Variants in PTGS2 observed in about 807,000 individuals in gnomAD.
The protein encoded by PTGS2 is prostaglandin G/H synthase 2.
A neutral mutation model predicts 63.8 loss-of-function variants in PTGS2; 14 were observed. The observed-to-expected ratio is 0.22, with a 90% CI of 0.14 to 0.34. PTGS2 has a LOEUF of 0.34. Ranked by LOEUF, PTGS2 falls within the 10% of genes least tolerant of loss-of-function variation. The pLI, the probability that PTGS2 is intolerant of heterozygous loss-of-function variation, is 1.00. For missense variants in PTGS2, 533 were observed against 738.5 expected (o/e 0.72, Z 3.23); for synonymous variants, 271 against 259.5 (o/e 1.04, Z -0.43).
intron 3 of PTGS2, 70 bp from the exon 4 acceptor site, chr1:186,678,474 T>A: frequency 7.1e-7 from 1 of 1,409,066 alleles, no homozygotes; most frequent in Non-Finnish European, 9.5e-7. Context: ...TTATTTTTAT[T>A]GTAAAATGTG....
In PTGS2 at chr1:186,676,730, A is replaced by C; in HGVS notation, c.724-17T>G. 1 of 1,601,112 alleles carries C rather than the reference A, an allele frequency of 6.2e-7. No individual in the cohort carries two copies. Among genetic ancestry groups the C allele is most frequent in the Non-Finnish European group, 8.5e-7 (1 of 1,174,604 alleles). On this transcript the variant is annotated splice_polypyrimidine_tract_variant and intron_variant, in intron 6 of 9. Transcript: ENST00000367468. The stretch of plus-strand genomic sequence containing the variant: ...ATCAATTATCTAAAAAAATAAATAA[A>C]TAAATAAACATCAGTTAAAAAGTTA...
Position 186,677,839 on chromosome 1 carries a change from T to C in PTGS2, c.458-9A>G, listed in dbSNP as rs1366288188. ...AGGAAGCTGCTTTTTACCTGAAAAATGAGAAAGCTAAGGTAAGAATCCATC... is the reference window on the plus strand; with the variant it reads ...AGGAAGCTGCTTTTTACCTGAAAAACGAGAAAGCTAAGGTAAGAATCCATC... On this transcript the variant is annotated splice_polypyrimidine_tract_variant and intron_variant, in intron 4 of 9. Transcript: ENST00000367468. The C allele has an allele frequency of 6.2e-7, 1 of 1,612,342 alleles. No individual in the cohort carries two copies. The highest frequency in any genetic ancestry group is 2.2e-5 in the East Asian group (1 of 44,846).
At chr1:186,677,521 T>C in intron 5 of PTGS2, 128 bp downstream of exon 5, 2 of 1,013,230 alleles carry the variant, frequency 2.0e-6, no homozygotes, top group Non-Finnish European at 1.4e-6. Context: ...TTTTTATAGA[T>C]AAGACTTCTT....
intron 9 of PTGS2, 124 bp downstream of exon 9, chr1:186,675,125 C>CTCCT: frequency 2.4e-6 from 3 of 1,271,072 alleles, no homozygotes; most frequent in South Asian, 2.7e-5. Flanking sequence ...TGCAGTGAGC[C>CTCCT]GAGATGGCGC....
In PTGS2 at chr1:186,679,201, G is replaced by T. The variant is rs764607381; in HGVS notation, c.170C>A (p.Pro57Gln). 1.2e-6 allele frequency: 2 copies of T among 1,613,084 alleles called. No homozygotes were observed. The highest frequency in any genetic ancestry group is 1.1e-5 in the South Asian group (1 of 90,924). Residue 57 changes from proline (P) to glutamine (Q), a missense_variant and splice_region_variant, in exon 3 of 10, where the codon CCG (proline) becomes CAG (glutamine). By Grantham distance (76) the Pro-to-Gln change is moderately conservative (BLOSUM62 -1). Coordinates refer to ENST00000367468, the MANE Select transcript of PTGS2 (RefSeq NM_000963.4). ...TGFYGENCST[P>Q]EFLTRIKLFL... ...TAATTTTATTCTTGTCAAAAATTCC[G>T]CTGCAAGAAGACGAAGAAAGGGAGG...
At chr1:186,676,332 G>T in intron 7 of PTGS2, 135 bp downstream of exon 7, 1 of 1,376,550 alleles carries the variant, frequency 7.3e-7, no homozygotes. Context: ...TATCAGTCAT[G>T]CTTACATATT....
chr1:186,677,145 C>T (rs1665795524), intron 5 of PTGS2, among the ~76,000 whole-genome samples: 1 of 151,890 alleles, frequency 6.6e-6, no homozygotes, highest in South Asian at 2.1e-4. Flanking sequence ...CTATATTGAG[C>T]TTATATCATA....
rs943853715 is a variant in PTGS2, at chr1:186,674,829, T to A, written c.1406-67A>T. On this transcript the variant is annotated intron_variant, in intron 9 of 9. Coordinates refer to ENST00000367468, the MANE Select transcript of PTGS2 (RefSeq NM_000963.4). ...TTCACAAAATAAAAAACAGTTTGAT[T>A]CTTTTGCTCAATTTGCTGCCAACTT... The A allele has an allele frequency of 4.7e-6, 7 of 1,490,614 alleles. No homozygotes were observed. In the African/African-American group the frequency reaches 9.9e-5, roughly 21 times the overall value. 92.3% of individuals were successfully genotyped at this position (1,490,614 alleles called of 1,614,324 possible).
In PTGS2 at chr1:186,674,384, A is replaced by G. The variant is rs1665742526; in HGVS notation, c.1784T>C (p.Val595Ala). 2 of 1,613,486 alleles carry G rather than the reference A, an allele frequency of 1.2e-6. No individual in the cohort carries two copies. Among genetic ancestry groups the G allele is most frequent in the Middle Eastern group, 1.6e-4 (1 of 6,082 alleles). Residue 595 changes from valine to alanine, a missense_variant, in exon 10 of 10, where the codon GTA (valine) becomes GCA (alanine). Val to Ala is a moderately conservative substitution (Grantham distance 64). Transcript: ENST00000367468. ...RSGLDDINPT[V>A]LLKERSTEL ...TTCAGTCGAACGTTCTTTTAGTAGT[A>G]CTGTGGGATTGATATCATCTAGTCC...
In PTGS2 at chr1:186,674,638, T is replaced by C; in HGVS notation, c.1530A>G (p.Glu510=). 2 of 1,614,234 alleles carry C rather than the reference T, an allele frequency of 1.2e-6. No homozygotes were observed. Among genetic ancestry groups the C allele is most frequent in the South Asian group, 2.2e-5 (2 of 91,088 alleles). The change falls in exon 10 of 10, where the codon GAA becomes GAG. Residue 510 remains glutamate (E), a synonymous_variant. Coordinates refer to ENST00000367468, the MANE Select transcript of PTGS2 (RefSeq NM_000963.4). ...CTTTCAAGGAGAATGGTGCTCCAACTTCTACCATGGTTTCACCAAAGATGG... is the reference window on the plus strand; with the variant it reads ...CTTTCAAGGAGAATGGTGCTCCAACCTCTACCATGGTTTCACCAAAGATGG... ...PDAIFGETMV[E]VGAPFSLKGL...
At position 186,673,067 on chromosome 1, in the gene PTGS2, T is replaced by C. The variant is rs1230098187; in HGVS notation, c.*1286A>G. ...AGGAGAAACGAAGTGATGAGAAGAC[T>C]GTGTCTCTTAGCAAAATGGCTAAAA... On this transcript the variant is annotated 3_prime_UTR_variant, in exon 10 of 10. Coordinates refer to ENST00000367468, the MANE Select transcript of PTGS2 (RefSeq NM_000963.4). The C allele has an allele frequency of 6.6e-6, 1 of 152,092 alleles. No homozygotes were observed. The highest frequency in any genetic ancestry group is 2.4e-5 in the African/African-American group (1 of 41,426). The allele number at this position is 152,092 out of a possible 1,614,324, so 9.4% of individuals were successfully genotyped here.
In PTGS2 at chr1:186,671,858, G is replaced by T. The variant is rs1242684837; in HGVS notation, c.*2495C>A. On this transcript the variant is annotated 3_prime_UTR_variant, in exon 10 of 10. Transcript: ENST00000367468. ...TTTTTAAATAGTACAAAAATAAACA[G>T]ACATTTATTTCCAGACTTATCTTTT... 1 of 152,028 alleles carries T rather than the reference G, an allele frequency of 6.6e-6. No individual in the cohort carries two copies. The highest frequency in any genetic ancestry group is 2.4e-5 in the African/African-American group (1 of 41,420). 9.4% of individuals were successfully genotyped at this position (152,028 alleles called of 1,614,324 possible). A position where few individuals can be genotyped will look rare whatever the true frequency, so the allele number is the denominator to read the frequency against.
chr1:186,674,983 C>G (rs1011334269), intron 9 of PTGS2, among the ~76,000 whole-genome samples: 2 of 152,166 alleles, frequency 1.3e-5, no homozygotes, highest in Non-Finnish European at 2.9e-5. Flanking sequence ...TTGAGACCAG[C>G]CTGGCTAACA....
At chr1:186,677,372 T>G (rs1665800201) in intron 5 of PTGS2, among the ~76,000 whole-genome samples, 1 of 152,150 alleles carries the variant, frequency 6.6e-6, no homozygotes, top group Non-Finnish European at 1.5e-5. Context: ...CATTTTAAAC[T>G]AAAAAATACA....
At chr1:186,680,200 TG>T in intron 1 of PTGS2, 38 bp downstream of exon 1, 1 of 1,549,784 alleles carries the variant, frequency 6.5e-7, no homozygotes, top group South Asian at 1.2e-5. Flanking sequence ...CCCGGGTGCG[TG>T]GAACCGGAGT....
In PTGS2 at chr1:186,675,364, T is replaced by C. The variant is rs766627584; in HGVS notation, c.1290A>G (p.Val430=). ...CAATGGAAGCCTGTGATACTTTCTG[T>C]ACTGCGGGTGGAACATTCCTACCAC... ...VAGGRNVPPA[V]QKVSQASIDQ... The change falls in exon 9 of 10, where the codon GTA becomes GTG. Residue 430 remains valine (V), a synonymous_variant. Transcript: ENST00000367468. 2.5e-6 allele frequency: 4 copies of C among 1,613,772 alleles called. No homozygotes were observed. The highest frequency in any genetic ancestry group is 2.5e-6 in the Non-Finnish European group (3 of 1,179,978).
In PTGS2 at chr1:186,676,881, A is replaced by G. The variant is rs777198225; in HGVS notation, c.675T>C (p.Ala225=). 6.2e-7 allele frequency: 1 copy of G among 1,608,790 alleles called. No homozygotes were observed. Among genetic ancestry groups the G allele is most frequent in the Admixed American group, 1.7e-5 (1 of 59,764 alleles). ...TGAAAAGGCGCAGTTTACGCTGTCT[A>G]GCCAGAGTTTCACCGTAAATATGAT... ...DLNHIYGETL[A]RQRKLRLFKD... is the part of the protein sequence containing the mutation. The change falls in exon 6 of 10, where the codon GCT becomes GCC. Residue 225 remains alanine, a synonymous_variant. Coordinates refer to ENST00000367468, the MANE Select transcript of PTGS2 (RefSeq NM_000963.4).
In PTGS2 at chr1:186,676,070, C is replaced by T. The variant is rs1665773774; in HGVS notation, c.1085G>A (p.Arg362His). The T allele has an allele frequency of 2.5e-6, 4 of 1,614,090 alleles. No individual in the cohort carries two copies. Among genetic ancestry groups the T allele is most frequent in the Non-Finnish European group, 2.5e-6 (3 of 1,179,998 alleles). ...GAGGGTGTTAAATTCAGCAGCAATA[C>T]GATTTTGGTACTGGAATTGTTTGTT... is the stretch of plus-strand genomic sequence containing the variant. ...LFNKQFQYQN[R>H]IAAEFNTLYH... Residue 362 changes from arginine (R) to histidine (H), a missense_variant, in exon 8 of 10, where the codon CGT becomes CAT. Transcript: ENST00000367468.
At chr1:186,675,102 A>T (rs546998336) in intron 9 of PTGS2, 147 bp downstream of exon 9, 2 of 983,504 alleles carry the variant, frequency 2.0e-6, no homozygotes, top group Non-Finnish European at 3.0e-6. Context: ...GCTTGAACCC[A>T]GGAGGCGGAG....
Sources: gnomAD v4.1 joint callset for allele counts (sites outside exome capture counted in the v4.1 genomes callset) on GRCh38, gnomAD v4.1.1 for gene constraint, MANE v1.5 for transcripts, NCBI Gene and HGNC (gene_info 2026-07-23, HGNC 2026-07-21) for gene names.